L3HYPDH: variants seen among roughly 807,000 people sequenced by gnomAD.
L3HYPDH encodes trans-3-hydroxy-L-proline dehydratase.
In L3HYPDH, 32 loss-of-function variants were observed where a neutral mutation model predicts 26.5. The observed-to-expected ratio is 1.21, with a 90% CI of 0.91 to 1.62. The LOEUF is 1.62. Ranked by LOEUF, L3HYPDH falls within the 40% of genes most tolerant of loss-of-function variation. The pLI is 0.00. For missense variants in L3HYPDH, 554 were observed against 476.4 expected, an observed-to-expected ratio of 1.16 and a Z score of -1.52; for synonymous variants, 215 against 196.6, an observed-to-expected ratio of 1.09 and a Z score of -0.78.
chr14:59,470,150 A>G (rs537691568), downstream of L3HYPDH, among the ~76,000 whole-genome samples: 1 of 152,186 alleles, frequency 6.6e-6, no homozygotes, highest in Non-Finnish European at 1.5e-5. Context: ...CCAGGTGGAG[A>G]GCTAACAGGC....
At chr14:59,479,070 T>C in intron 2 of L3HYPDH, 112 bp downstream of exon 2, 1 of 826,174 alleles carries the variant, frequency 1.2e-6, no homozygotes, top group Non-Finnish European at 1.8e-6. Context: ...ACCCTATTCT[T>C]AGTACTATTA....
chr14:59,468,752 A>G (rs1690389347), downstream of L3HYPDH, among the ~76,000 whole-genome samples: 1 of 152,210 alleles, frequency 6.6e-6, no homozygotes. Context: ...CCAACATACA[A>G]AAAAATATTT....
At chr14:59,482,066 A>C (rs1281791679) in intron 1 of L3HYPDH, among the ~76,000 whole-genome samples, 1 of 152,214 alleles carries the variant, frequency 6.6e-6, no homozygotes, top group Admixed American at 6.5e-5. Context: ...TCATTGACTG[A>C]CTACTCTTCT....
intron 4 of L3HYPDH, among the ~76,000 whole-genome samples, chr14:59,473,973 A>G (rs2139800430): frequency 6.6e-6 from 1 of 152,364 alleles, no homozygotes; most frequent in East Asian, 1.9e-4. Flanking sequence ...AGCATGATCA[A>G]TAACTATAAA....
chr14:59,481,332 TC>T (rs1481214097), intron 1 of L3HYPDH, among the ~76,000 whole-genome samples: 1 of 152,210 alleles, frequency 6.6e-6, no homozygotes, highest in Non-Finnish European at 1.5e-5. Context: ...GCCCCTTAAT[TC>T]ATTACATTAG....
upstream of L3HYPDH, chr14:59,485,911 G>T (rs993251091): frequency 3.3e-5 from 5 of 152,032 alleles, no homozygotes; most frequent in Non-Finnish European, 7.3e-5. Flanking sequence ...CCACCTCACC[G>T]AGCCTGTTTG....
At chr14:59,467,526 T>C (rs541147600) in intron 1 of L3HYPDH, among the ~76,000 whole-genome samples, 3 of 152,310 alleles carry the variant, frequency 2.0e-5, no homozygotes, top group African/African-American at 7.2e-5. Flanking sequence ...CCTCTGCCAG[T>C]TCATCCTCTT....
At chr14:59,493,662 A>G in the L3HYPDH span, among the ~76,000 whole-genome samples, 2 of 152,242 alleles carry the variant, frequency 1.3e-5, no homozygotes, top group African/African-American at 4.8e-5. Flanking sequence ...TTCCATGTAC[A>G]GTACAAGTAC....
upstream of L3HYPDH, chr14:59,485,431 T>G (rs1265734341): frequency 7.6e-6 from 2 of 263,916 alleles, no homozygotes; most frequent in Non-Finnish European, 1.4e-5. Flanking sequence ...TGGAGGAATA[T>G]TATTCAATGC....
At chr14:59,465,488 G>A (rs928328917) in intron 1 of L3HYPDH, 3 of 357,140 alleles carry the variant, frequency 8.4e-6, no homozygotes, top group East Asian at 4.1e-5. Context: ...CCGCCACTCC[G>A]GAGGTTACCG....
chr14:59,474,012 A>G (rs966941121), intron 4 of L3HYPDH, among the ~76,000 whole-genome samples: 1 of 152,230 alleles, frequency 6.6e-6, no homozygotes, highest in Non-Finnish European at 1.5e-5. Context: ...TAACTTCAGC[A>G]TATCTTTTTA....
upstream of L3HYPDH, chr14:59,485,809 G>A (rs1253106): frequency 0.013 from 1,925 of 152,258 alleles, 34 homozygotes; most frequent in African/African-American, 0.044. Context: ...GTAGAGACGG[G>A]GTTTCACCAT....
chr14:59,503,651 T>C, the L3HYPDH span, among the ~76,000 whole-genome samples: 3 of 152,206 alleles, frequency 2.0e-5, no homozygotes, highest in Non-Finnish European at 2.9e-5. Context: ...ACTGAGTGCT[T>C]ATATGACCTT....
At chr14:59,470,966 G>GGGGGGGGGGGGGGA (rs1889296397), downstream of L3HYPDH, among the ~76,000 whole-genome samples, 1 of 117,670 alleles carries the variant, frequency 8.5e-6, no homozygotes. Flanking sequence ...GGGGGGGGGG[G>GGGGGGGGGGGGGGA]GAGGGCAGGA....
At chr14:59,502,755 T>TGTTTTGTTTTGTTTTGCTTTTTTGTTTTG in the L3HYPDH span, among the ~76,000 whole-genome samples, 5 of 122,918 alleles carry the variant, frequency 4.1e-5, 1 homozygote, top group African/African-American at 6.0e-5. Context: ...ATGAGATTTT[T>TGTTTTGTTTTGTTTTGCTTTTTTGTTTTG]TTTTTTTTTT....
rs1477465597 is a variant in L3HYPDH at position 59,483,873 on chromosome 14, G to A, written c.444C>T (p.Cys148=). The A allele has an allele frequency of 3.2e-6, 5 of 1,579,024 alleles. No individual in the cohort carries two copies. The Admixed American group carries it at 5.3e-5, about 17-fold the overall frequency. Residue 148 remains cysteine, a synonymous_variant, in exon 1 of 5, where the codon TGC becomes TGT. Transcript: ENST00000247194. ...PCGLVTAFVA[C]EDGRSHGPVR... is the part of the protein sequence containing the mutation. ...CCGGTCCGTGGCTGCGGCCGTCCTC[G>A]CATGCCACGAAGGCGGTCACCAGCC...
At chr14:59,477,708 C>T (rs977005231) in intron 2 of L3HYPDH, among the ~76,000 whole-genome samples, 11 of 152,284 alleles carry the variant, frequency 7.2e-5, no homozygotes, top group African/African-American at 2.4e-4. Flanking sequence ...CATATTGGTA[C>T]TGGCAGTACC....
At chr14:59,477,597 G>C (rs1175368782) in intron 2 of L3HYPDH, among the ~76,000 whole-genome samples, 2 of 152,102 alleles carry the variant, frequency 1.3e-5, no homozygotes, top group Non-Finnish European at 2.9e-5. Flanking sequence ...AAATTATTTT[G>C]TGCCAAATTG....
At chr14:59,483,697 G>C in intron 1 of L3HYPDH, 112 bp downstream of exon 1, 1 of 1,480,848 alleles carries the variant, frequency 6.8e-7, no homozygotes, top group Non-Finnish European at 8.9e-7. Flanking sequence ...TTAATTGCAA[G>C]GTTTCGCGGA....
Sources: allele counts gnomAD v4.1 joint callset (sites outside exome capture counted in the v4.1 genomes callset), GRCh38; gene constraint gnomAD v4.1.1; transcripts MANE v1.5; gene names NCBI Gene and HGNC (gene_info 2026-07-23, HGNC 2026-07-21).